Variants in RAPGEF2 observed in about 807,000 individuals in gnomAD.
The protein encoded by RAPGEF2 is Rap guanine nucleotide exchange factor 2.
RAPGEF2 carries 54 observed loss-of-function variants against 186.7 expected under a neutral mutation model. The observed-to-expected ratio is 0.29, with a 90% CI of 0.23 to 0.36. RAPGEF2 has a LOEUF of 0.36. RAPGEF2 is among the 10% of genes least tolerant of loss of function. The pLI is 1.00. For missense variants in RAPGEF2, 1,532 were observed against 2,045.0 expected (o/e 0.75, Z 4.84); for synonymous variants, 712 against 705.9 (o/e 1.01, Z -0.14).
chr4:159,193,413 A>G (rs1157827384), intron 3 of RAPGEF2, among the ~76,000 whole-genome samples, 157 bp downstream of exon 3: 1 of 152,228 alleles, frequency 6.6e-6, no homozygotes, highest in Non-Finnish European at 1.5e-5. Context: ...CTGTCATAAA[A>G]TAAAAGTTTA....
At chr4:159,348,737 C>T in intron 25 of RAPGEF2, among the ~76,000 whole-genome samples, 1 of 152,172 alleles carries the variant, frequency 6.6e-6, no homozygotes, top group East Asian at 1.9e-4. Flanking sequence ...GTATAAAGCT[C>T]TATCCCCCAT....
intron 1 of RAPGEF2, among the ~76,000 whole-genome samples, chr4:159,115,553 ATTT>A (rs11338190): frequency 9.3e-5 from 14 of 150,382 alleles, no homozygotes; most frequent in African/African-American, 3.4e-4. Context: ...TAAGTTTCTG[ATTT>A]TTTTTTTTTC....
chr4:159,168,713 G>T (rs1031744830), intron 1 of RAPGEF2, among the ~76,000 whole-genome samples: 11 of 152,126 alleles, frequency 7.2e-5, no homozygotes, highest in Non-Finnish European at 1.5e-4. Context: ...GTAGGATACG[G>T]TCACGTTTCA....
chr4:159,277,695 CA>C (rs985189753), intron 7 of RAPGEF2, among the ~76,000 whole-genome samples: 21 of 152,164 alleles, frequency 1.4e-4, no homozygotes, highest in African/African-American at 4.3e-4. Context: ...AGCATTTTTT[CA>C]CATATCTGTT....
rs186351636 is a variant in RAPGEF2 at position 159,357,549 on chromosome 4, A to G, written c.4958-565A>G. Among the ~76,000 whole-genome samples, 6 of 152,292 alleles carry G rather than the reference A, an allele frequency of 3.9e-5. No individual in the cohort carries two copies. The East Asian group carries it at 7.7e-4, about 20-fold the overall frequency. On this transcript the variant is annotated intron_variant, in intron 29 of 29. Coordinates refer to ENST00000691494, the MANE Select transcript of RAPGEF2 (RefSeq NM_001394067.2). ...AACATGTTTGATTACACAATCATAG[A>G]AAAAAGCAACACGTGACTGGGAGAT...
At chr4:159,315,326 T>A (rs1007460752) in intron 9 of RAPGEF2, among the ~76,000 whole-genome samples, 12 of 151,942 alleles carry the variant, frequency 7.9e-5, no homozygotes, top group African/African-American at 2.7e-4. Flanking sequence ...TTATTTTATG[T>A]TCAGGAGTAC....
At chr4:159,349,595 G>C (rs1338958373) in intron 25 of RAPGEF2, among the ~76,000 whole-genome samples, 1 of 152,140 alleles carries the variant, frequency 6.6e-6, no homozygotes, top group Non-Finnish European at 1.5e-5. Context: ...ACTTGATCAA[G>C]TATTAACTGC....
intron 17 of RAPGEF2, 91 bp from the exon 18 acceptor site, chr4:159,338,220 G>C: frequency 8.6e-7 from 1 of 1,164,948 alleles, no homozygotes; most frequent in Admixed American, 3.2e-5. Flanking sequence ...AAAAAAAAAT[G>C]GAATATGGTT....
At chr4:159,332,141 A>G (rs889265059) in intron 16 of RAPGEF2, 107 bp downstream of exon 16, 12 of 745,838 alleles carry the variant, frequency 1.6e-5, no homozygotes, top group Non-Finnish European at 2.6e-5. Flanking sequence ...AGATCTAAAT[A>G]AAAACTACTG....
At chr4:159,221,228 T>G (rs1751514381) in intron 4 of RAPGEF2, among the ~76,000 whole-genome samples, 1 of 152,196 alleles carries the variant, frequency 6.6e-6, no homozygotes. Flanking sequence ...CAGGATGGTT[T>G]GGTGGTGGCT....
chr4:159,142,551 T>C (rs1276820810), intron 1 of RAPGEF2, among the ~76,000 whole-genome samples: 1 of 151,348 alleles, frequency 6.6e-6, no homozygotes, highest in Non-Finnish European at 1.5e-5. Context: ...AAAAATTGGG[T>C]ATGAATGGGT....
At chr4:159,211,248 G>C (rs931883429) in intron 4 of RAPGEF2, among the ~76,000 whole-genome samples, 6 of 152,098 alleles carry the variant, frequency 3.9e-5, no homozygotes, top group Admixed American at 3.9e-4. Context: ...GTATTCCTCT[G>C]TTCCAACCAG....
chr4:159,284,944 T>C (rs1760264962), intron 7 of RAPGEF2, among the ~76,000 whole-genome samples: 1 of 152,068 alleles, frequency 6.6e-6, no homozygotes, highest in African/African-American at 2.4e-5. Context: ...TTCCAGCTAC[T>C]TGAGAGACTG....
At position 159,108,383 on chromosome 4, in the gene RAPGEF2, CTTTTTTTTTT is replaced by C. The variant is rs35882271; in HGVS notation, c.69+4166_69+4175del. On this transcript the variant is annotated intron_variant, in intron 1 of 29. Coordinates refer to ENST00000691494, the MANE Select transcript of RAPGEF2 (RefSeq NM_001394067.2). ...AAATGCTGGAATTTCACAGAACTTT[CTTTTTTTTTT>C]TTTTTTTTTTTTTAAGGAGAAGATG... Among the ~76,000 whole-genome samples, 7 of 107,888 alleles carry C rather than the reference CTTTTTTTTTT, an allele frequency of 6.5e-5. No homozygotes were observed. In the Admixed American group the frequency reaches 6.7e-4, roughly 10 times the overall value. The allele number at this position is 107,888 out of a possible 152,430, so 70.8% of individuals were successfully genotyped here. A position where few individuals can be genotyped will look rare whatever the true frequency, so the allele number is the denominator to read the frequency against.
intron 4 of RAPGEF2, among the ~76,000 whole-genome samples, chr4:159,214,656 C>G (rs1750836673): frequency 6.6e-6 from 1 of 151,970 alleles, no homozygotes; most frequent in Non-Finnish European, 1.5e-5. Flanking sequence ...TATTTTTTGC[C>G]TGCTGACTTC....
At chr4:159,237,210 G>A (rs1029190917) in intron 4 of RAPGEF2, among the ~76,000 whole-genome samples, 4 of 151,930 alleles carry the variant, frequency 2.6e-5, no homozygotes, top group Non-Finnish European at 5.9e-5. Context: ...TAGTAGAGAC[G>A]GGGTTTCACC....
Position 159,350,260 on chromosome 4 carries a change from C to T in RAPGEF2, c.3836C>T (p.Pro1279Leu). The T allele has an allele frequency of 6.3e-7, 1 of 1,595,996 alleles. No homozygotes were observed. ...SNASSQLSSP[P>L]TSPQSSPRKG... The stretch of plus-strand genomic sequence containing the variant: ...GCATCTTCGCAGCTTTCTTCTCCTC[C>T]TACTTCTCCACAGAGTTCTCCAAGG... Residue 1279 changes from proline to leucine, a missense_variant, in exon 26 of 30, where the codon CCT (proline) becomes CTT (leucine). Coordinates refer to ENST00000691494, the MANE Select transcript of RAPGEF2 (RefSeq NM_001394067.2).
intron 9 of RAPGEF2, among the ~76,000 whole-genome samples, chr4:159,319,549 A>G (rs1408246853): frequency 6.6e-6 from 1 of 152,036 alleles, no homozygotes; most frequent in Non-Finnish European, 1.5e-5. Flanking sequence ...AAATTGCTCC[A>G]ATCATCTAGT....
chr4:159,299,080 C>T (rs1762356931), intron 7 of RAPGEF2, among the ~76,000 whole-genome samples: 1 of 152,120 alleles, frequency 6.6e-6, no homozygotes, highest in Admixed American at 6.5e-5. Context: ...AGACTCAAAA[C>T]CCTGACAATG....
Sources: allele counts gnomAD v4.1 joint callset (sites outside exome capture counted in the v4.1 genomes callset), GRCh38; gene constraint gnomAD v4.1.1; transcripts MANE v1.5; gene names NCBI Gene and HGNC (gene_info 2026-07-23, HGNC 2026-07-21).